The following RHBDF1 variants were observed in gnomAD, a reference collection of about 807,000 sequenced individuals.
RHBDF1 encodes rhomboid 5 homolog 1.
A neutral mutation model predicts 98.6 loss-of-function variants in RHBDF1; 80 were observed. That is an observed-to-expected ratio of 0.81 (90% CI 0.68 to 0.98). RHBDF1 has a LOEUF of 0.98. RHBDF1 is among the 50% of genes least tolerant of loss of function. The pLI, the probability that RHBDF1 is intolerant of heterozygous loss-of-function variation, is 0.00. For missense variants in RHBDF1, 1,116 were observed against 1,198.3 expected (o/e 0.93, Z 1.01); for synonymous variants, 512 against 486.8 (o/e 1.05, Z -0.68).
At position 58,556 on chromosome 16, in the gene RHBDF1, G is replaced by A. The variant is rs767513643; in HGVS notation, c.2352C>T (p.Phe784=). The A allele has an allele frequency of 3.3e-5, 53 of 1,613,902 alleles. No individual in the cohort carries two copies. The South Asian group carries it at 3.4e-4, about 10-fold the overall frequency. The change falls in exon 18 of 18, where the codon TTC becomes TTT. Residue 784 remains phenylalanine, a synonymous_variant. Transcript: ENST00000262316. ...CAAAGCTGATGTAGGGCAAGAAGGC[G>A]AAGGAGAGGAAGAGGCCACTGATGA... ...SGFISGLFLS[F]AFLPYISFGK...
At chr16:65,305 T>C (rs946970501) in intron 1 of RHBDF1, among the ~76,000 whole-genome samples, 1 of 152,256 alleles carries the variant, frequency 6.6e-6, no homozygotes, top group African/African-American at 2.4e-5. Flanking sequence ...GTCAGGATAC[T>C]GCTCTAGGTG....
At position 61,946 on chromosome 16, in the gene RHBDF1, G is replaced by C; in HGVS notation, c.1060C>G (p.Gln354Glu). Residue 354 changes from glutamine to glutamate, a missense_variant, in exon 8 of 18, where the codon CAG (glutamine) becomes GAG (glutamate). Coordinates refer to ENST00000262316, the MANE Select transcript of RHBDF1 (RefSeq NM_022450.5). ...TTGCGCACCGGCACCGCGATACGCT[G>C]GCCCCGTCGCGGCCCCGCGGTGCTC... The part of the protein sequence containing the change: ...VVSTAGPRRG[Q>E]RIAVPVRKLF... 1 of 1,597,118 alleles carries C rather than the reference G, an allele frequency of 6.3e-7. No homozygotes were observed. The highest frequency in any genetic ancestry group is 1.3e-5 in the African/African-American group (1 of 74,910).
chr16:59,328 A>G lies in RHBDF1; in HGVS notation c.1915T>C (p.Cys639Arg). ...CSQVHCMDDV[C>R]GLLPFLNPEV... ...GGGTTGAGAAAAGGCAGGAGCCCAC[A>G]CACATCATCCATGCAGTGCACCTGC... The change falls in exon 16 of 18, where the codon TGT (cysteine) becomes CGT (arginine). Residue 639 changes from cysteine (C) to arginine (R), a missense_variant. By Grantham distance (180) the Cys-to-Arg change is radical (BLOSUM62 -3). Coordinates refer to ENST00000262316, the MANE Select transcript of RHBDF1 (RefSeq NM_022450.5). The G allele has an allele frequency of 6.2e-7, 1 of 1,612,360 alleles. No homozygotes were observed. The highest frequency in any genetic ancestry group is 8.5e-7 in the Non-Finnish European group (1 of 1,179,042).
At chr16:60,976 G>T (rs1596466427) in intron 11 of RHBDF1, 144 bp downstream of exon 11, 4 of 842,356 alleles carry the variant, frequency 4.7e-6, no homozygotes. Flanking sequence ...GGATGAGGAG[G>T]AATGAATATG....
chr16:60,120 A>G, intron 13 of RHBDF1, 96 bp downstream of exon 13: 5 of 1,594,936 alleles, frequency 3.1e-6, no homozygotes, highest in Non-Finnish European at 4.3e-6. Flanking sequence ...AGGTGGTCCC[A>G]TGATGGGAAT....
At chr16:61,330 G>T in intron 10 of RHBDF1, 49 bp from the exon 11 acceptor site, 1 of 1,543,040 alleles carries the variant, frequency 6.5e-7, no homozygotes, top group South Asian at 1.2e-5. Context: ...TCCTGCCCCC[G>T]CCGGGCACCT....
Position 61,582 on chromosome 16 carries a change from C to T in RHBDF1, c.1320+3G>A. ...TGGGCCCAGGGAAGGCACAGGGGCTCACCGAGTCCACCGTCTCATGCTGCG... is the reference window on the plus strand; with the variant it reads ...TGGGCCCAGGGAAGGCACAGGGGCTTACCGAGTCCACCGTCTCATGCTGCG... On this transcript the variant is annotated splice_donor_region_variant and intron_variant, in intron 9 of 17. Transcript: ENST00000262316. The T allele has an allele frequency of 1.9e-6, 3 of 1,613,138 alleles. No individual in the cohort carries two copies. Among genetic ancestry groups the T allele is most frequent in the Non-Finnish European group, 2.5e-6 (3 of 1,179,814 alleles).
upstream of RHBDF1, among the ~76,000 whole-genome samples, chr16:75,579 G>T (rs982291018): frequency 6.6e-6 from 1 of 152,184 alleles, no homozygotes; most frequent in Non-Finnish European, 1.5e-5. Flanking sequence ...TGAGGCAGCT[G>T]CCCCCTCCCC....
chr16:62,982 C>T lies in RHBDF1; in HGVS notation c.663G>A (p.Ala221=), dbSNP rs753533650. ...TGGCCCCTGCACCCACTTTCATCAG[C>T]GCTGCGGCCGCCCGGAAGCTCATCT... ...VAKMSFRAAA[A]LMKGRSVRDG... is the part of the protein sequence containing the mutation. Residue 221 remains alanine, a synonymous_variant, in exon 5 of 18, where the codon GCG becomes GCA. Transcript: ENST00000262316. The T allele has an allele frequency of 1.1e-5, 18 of 1,611,926 alleles. No individual in the cohort carries two copies. In the East Asian group the frequency reaches 2.0e-4, roughly 18 times the overall value.
intron 17 of RHBDF1, 94 bp from the exon 18 acceptor site, chr16:58,853 G>C (rs1350748217): frequency 1.0e-5 from 16 of 1,554,674 alleles, no homozygotes; most frequent in Non-Finnish European, 1.4e-5. Flanking sequence ...CCATGGCCCA[G>C]AGCATATTGG....
chr16:66,155 G>A (rs1897824957), intron 1 of RHBDF1, among the ~76,000 whole-genome samples: 1 of 152,196 alleles, frequency 6.6e-6, no homozygotes, highest in Non-Finnish European at 1.5e-5. Context: ...AGATAGTGGG[G>A]GGCTGGCCAG....
intron 1 of RHBDF1, among the ~76,000 whole-genome samples, chr16:68,740 G>A (rs529973685): frequency 3.0e-4 from 45 of 152,318 alleles, no homozygotes; most frequent in African/African-American, 1.0e-3. Flanking sequence ...GCATGCTGAC[G>A]TCCCCTCTGG....
intron 8 of RHBDF1, 40 bp from the exon 9 acceptor site, chr16:61,736 C>G (rs749030496): frequency 5.0e-6 from 8 of 1,612,176 alleles, no homozygotes; most frequent in Middle Eastern, 3.3e-4. Flanking sequence ...ATCCCCGACC[C>G]GGAGCCCCCA....
At chr16:63,833 A>G (rs1343596225) in intron 3 of RHBDF1, 33 bp from the exon 4 acceptor site, 3 of 1,584,822 alleles carry the variant, frequency 1.9e-6, no homozygotes, top group South Asian at 2.2e-5. Flanking sequence ...AGGGGCGGCC[A>G]GATCGCCCCT....
At chr16:71,306 C>T (rs938579299) in intron 1 of RHBDF1, among the ~76,000 whole-genome samples, 2 of 152,222 alleles carry the variant, frequency 1.3e-5, no homozygotes, top group African/African-American at 4.8e-5. Flanking sequence ...CCCATGCACT[C>T]CATTTGCCCC....
At chr16:64,366 G>A in intron 3 of RHBDF1, 1 of 1,376,908 alleles carries the variant, frequency 7.3e-7, no homozygotes, top group Non-Finnish European at 9.6e-7. Context: ...CTGGCGCTGT[G>A]GGAAGGCCCT....
In RHBDF1 at chr16:62,867, G is replaced by C. The variant is rs148624788; in HGVS notation, c.703C>G (p.Arg235Gly). The change falls in exon 6 of 18, where the codon CGG becomes GGG. Residue 235 changes from arginine to glycine, a missense_variant. Coordinates refer to ENST00000262316, the MANE Select transcript of RHBDF1 (RefSeq NM_022450.5). ...GRSVRDGTFR[R>G]AQRRSFTPAS... The stretch of plus-strand genomic sequence containing the variant: ...GGAGTGAAGCTTCGACGCTGTGCCC[G>C]GCGAAAGGTGCCATCCCTAACGGAG... The C allele has an allele frequency of 6.2e-7, 1 of 1,613,804 alleles. No individual in the cohort carries two copies. Among genetic ancestry groups the C allele is most frequent in the Non-Finnish European group, 8.5e-7 (1 of 1,179,980 alleles).
chr16:63,112 G>A lies in RHBDF1; in HGVS notation c.533C>T (p.Pro178Leu), dbSNP rs750272723. The A allele has an allele frequency of 1.2e-6, 2 of 1,605,320 alleles. No homozygotes were observed. The highest frequency in any genetic ancestry group is 1.7e-6 in the Non-Finnish European group (2 of 1,176,780). ...AGCACCCGGCGTGACGGGAGTGTGT[G>A]GGGCACTCAGGCCTTCCGCAGTGTC... ...ADDTAEGLSA[P>L]HTPVTPGAAS... The change falls in exon 5 of 18, where the codon CCA becomes CTA. Residue 178 changes from proline to leucine, a missense_variant. By Grantham distance (98) the Pro-to-Leu change is moderately conservative. Transcript: ENST00000262316.
intron 1 of RHBDF1, among the ~76,000 whole-genome samples, chr16:68,976 A>G (rs1207607303): frequency 6.6e-6 from 1 of 152,164 alleles, no homozygotes; most frequent in Non-Finnish European, 1.5e-5. Context: ...AGCAAGCCTC[A>G]GCTTTCCCAT....
Sources: allele counts gnomAD v4.1 joint callset (sites outside exome capture counted in the v4.1 genomes callset), GRCh38; gene constraint gnomAD v4.1.1; transcripts MANE v1.5; gene names NCBI Gene and HGNC (gene_info 2026-07-23, HGNC 2026-07-21).